Variants in MEIS1 observed in about 807,000 individuals in gnomAD.
The protein encoded by MEIS1 is homeobox protein Meis1.
Under a neutral mutation model 50.8 loss-of-function variants are expected in MEIS1, and 5 were observed. That is an observed-to-expected ratio of 0.10 (90% CI 0.05 to 0.21). The LOEUF is 0.21. MEIS1 is among the 10% of genes least tolerant of loss of function. The pLI, the probability that MEIS1 is intolerant of heterozygous loss-of-function variation, is 1.00. For missense variants in MEIS1, 318 were observed against 517.3 expected (o/e 0.61, Z 3.74); for synonymous variants, 176 against 179.3 (o/e 0.98, Z 0.15).
In MEIS1 at chr2:66,502,772, T is replaced by C. The variant is rs373365301; in HGVS notation, c.743-9377T>C. Reference sequence around the variant, plus strand: ...ACAGAAAGGGAGGTGCTCAGGGCAATTGCACATAGTTTAACATTTTTCTAG... The same window carrying C: ...ACAGAAAGGGAGGTGCTCAGGGCAACTGCACATAGTTTAACATTTTTCTAG... On this transcript the variant is annotated intron_variant, in intron 7 of 12. Transcript: ENST00000272369. Among the ~76,000 whole-genome samples, 156 of 152,272 alleles carry C rather than the reference T, an allele frequency of 1.0e-3. No individual in the cohort carries two copies. The Middle Eastern group carries it at 0.014, about 13-fold the overall frequency.
chr2:66,561,047 C>G (rs1403636541), intron 9 of MEIS1, among the ~76,000 whole-genome samples: 1 of 152,134 alleles, frequency 6.6e-6, no homozygotes, highest in Non-Finnish European at 1.5e-5. Context: ...AAGACTTGAA[C>G]TCTGAAGACC....
chr2:66,525,863 T>C lies in MEIS1; in HGVS notation c.888+13569T>C, dbSNP rs556458831. Among the ~76,000 whole-genome samples the C allele has an allele frequency of 8.7e-4, 133 of 152,340 alleles. 1 individual carries two copies. The highest frequency in any genetic ancestry group is 3.1e-3 in the African/African-American group (130 of 41,580). The stretch of plus-strand genomic sequence containing the variant: ...GGAAGTTATCATGGAGTGAGGGCAG[T>C]GTGTGTGGCATGCTAGCTCCTAGAC... On this transcript the variant is annotated intron_variant, in intron 8 of 12. Coordinates refer to ENST00000272369, the MANE Select transcript of MEIS1 (RefSeq NM_002398.3).
chr2:66,568,435 GAA>G, intron 10 of MEIS1: 1 of 413,250 alleles, frequency 2.4e-6, no homozygotes, highest in Non-Finnish European at 4.5e-6. Context: ...AACCCAAGCA[GAA>G]AGTTTCCACA....
chr2:66,529,038 C>T (rs1674326254), intron 8 of MEIS1, among the ~76,000 whole-genome samples: 1 of 152,146 alleles, frequency 6.6e-6, no homozygotes, highest in Admixed American at 6.5e-5. Context: ...TTCCATGACC[C>T]CTTCTCTACT....
rs762411111 is a variant in MEIS1 at position 66,565,599 on chromosome 2, CAAAG to C, written c.966-1851_966-1848del. Among the ~76,000 whole-genome samples the C allele has an allele frequency of 4.2e-4, 64 of 152,168 alleles. 1 individual carries two copies. Among genetic ancestry groups the C allele is most frequent in the East Asian group, 3.9e-4 (2 of 5,188 alleles). On this transcript the variant is annotated intron_variant, in intron 9 of 12. Coordinates refer to ENST00000272369, the MANE Select transcript of MEIS1 (RefSeq NM_002398.3). ...ACATCTCTTTGGTAACATGTGACCT[CAAAG>C]AAGTCACCTAATTTCTCTGAGCCCA... is the stretch of plus-strand genomic sequence containing the variant.
At chr2:66,535,244 G>C (rs7603415) in intron 8 of MEIS1, among the ~76,000 whole-genome samples, 129,586 of 152,090 alleles carry the variant, frequency 0.85, 56,241 homozygotes, top group South Asian at 0.93. Context: ...GTTTTCTCTT[G>C]TATAGAATGA....
chr2:66,451,023 A>G (rs111318243), intron 6 of MEIS1, among the ~76,000 whole-genome samples: 2,792 of 152,170 alleles, frequency 0.018, 55 homozygotes, highest in South Asian at 0.053. Context: ...GTTATTACCC[A>G]TATGTGGGTT....
intron 7 of MEIS1, among the ~76,000 whole-genome samples, chr2:66,488,538 C>T (rs991166897): frequency 2.0e-5 from 3 of 151,962 alleles, no homozygotes; most frequent in Non-Finnish European, 4.4e-5. Flanking sequence ...ATTAGCCGGG[C>T]ATGGTGGTGG....
chr2:66,558,279 C>CAAAAAAAAAAAAAAAAAAAAA (rs59017279), intron 9 of MEIS1, among the ~76,000 whole-genome samples: 5 of 57,102 alleles, frequency 8.8e-5, no homozygotes, highest in Non-Finnish European at 1.2e-4. Context: ...AACTCCATCT[C>CAAAAAAAAAAAAAAAAAAAAA]AAAAAAAAAA....
intron 7 of MEIS1, among the ~76,000 whole-genome samples, chr2:66,500,350 A>G (rs1438076939): frequency 6.6e-6 from 1 of 152,200 alleles, no homozygotes; most frequent in Admixed American, 6.5e-5. Context: ...AAGCTACCAC[A>G]TGATTTAAAT....
chr2:66,549,426 T>C (rs535691802), intron 9 of MEIS1, among the ~76,000 whole-genome samples: 1 of 152,192 alleles, frequency 6.6e-6, no homozygotes, highest in African/African-American at 2.4e-5. Context: ...TATTTCTACC[T>C]GCTACTGTGT....
At chr2:66,481,365 A>G (rs908571638) in intron 7 of MEIS1, among the ~76,000 whole-genome samples, 7 of 152,178 alleles carry the variant, frequency 4.6e-5, no homozygotes. Context: ...TTTCTTTGTG[A>G]TGGATGACGT....
intron 6 of MEIS1, among the ~76,000 whole-genome samples, chr2:66,462,095 A>G (rs1672533709): frequency 1.3e-5 from 2 of 152,234 alleles, no homozygotes; most frequent in Admixed American, 1.3e-4. Context: ...GATAGTGAAT[A>G]TATCAGGTCT....
At chr2:66,436,302 A>G (rs1169347256) in intron 1 of MEIS1, among the ~76,000 whole-genome samples, 2 of 152,212 alleles carry the variant, frequency 1.3e-5, no homozygotes, top group Admixed American at 6.5e-5. Flanking sequence ...AAAGGAAATA[A>G]CTTTGTCATA....
At chr2:66,558,520 GT>G (rs1675133132) in intron 9 of MEIS1, among the ~76,000 whole-genome samples, 1 of 151,930 alleles carries the variant, frequency 6.6e-6, no homozygotes, top group African/African-American at 2.4e-5. Context: ...AGGTCTACAG[GT>G]TACATATTGA....
At chr2:66,482,727 C>T (rs1273860917) in intron 7 of MEIS1, among the ~76,000 whole-genome samples, 1 of 152,174 alleles carries the variant, frequency 6.6e-6, no homozygotes, top group Non-Finnish European at 1.5e-5. Flanking sequence ...AATTGGTAGT[C>T]CAGTGTTTGT....
At chr2:66,473,378 C>CAAAAAAAAAAAAAAAAAA (rs71409174) in intron 7 of MEIS1, among the ~76,000 whole-genome samples, 1 of 53,960 alleles carries the variant, frequency 1.9e-5, no homozygotes, top group African/African-American at 1.5e-4. Flanking sequence ...GACTCCATGT[C>CAAAAAAAAAAAAAAAAAA]AAAAAAAAAA....
chr2:66,567,175 C>T (rs535228862), intron 9 of MEIS1, among the ~76,000 whole-genome samples: 107 of 152,100 alleles, frequency 7.0e-4, no homozygotes, highest in Non-Finnish European at 1.3e-3. Context: ...GAAAACTCTG[C>T]TAATTCCCCC....
intron 8 of MEIS1, among the ~76,000 whole-genome samples, chr2:66,527,922 G>A (rs1316361672): frequency 6.6e-6 from 1 of 152,104 alleles, no homozygotes; most frequent in Non-Finnish European, 1.5e-5. Context: ...GGCCTACTAT[G>A]TACAAGGAAC....
Sources: allele counts gnomAD v4.1 joint callset (sites outside exome capture counted in the v4.1 genomes callset), GRCh38; gene constraint gnomAD v4.1.1; transcripts MANE v1.5; gene names NCBI Gene and HGNC (gene_info 2026-07-23, HGNC 2026-07-21).